ANKFN1: variants seen among roughly 807,000 people sequenced by gnomAD.
ANKFN1 encodes the protein ankyrin repeat and fibronectin type III domain containing 1.
Under a neutral mutation model 108.7 loss-of-function variants are expected in ANKFN1, and 74 were observed. The observed-to-expected ratio is 0.68, with a 90% confidence interval of 0.56 to 0.83. ANKFN1 has a LOEUF of 0.83. Ranked by LOEUF, ANKFN1 falls within the 40% of genes least tolerant of loss-of-function variation. The probability of loss-of-function intolerance (pLI) is 0.00; values close to 1 mark genes in which losing one functional copy is unlikely to be tolerated. For missense variants in ANKFN1, 1,505 were observed against 1,382.3 expected (o/e 1.09, Z -1.41); for synonymous variants, 547 against 516.2 (o/e 1.06, Z -0.81).
intron 4 of ANKFN1, among the ~76,000 whole-genome samples, chr17:56,089,099 G>T (rs1454518368): frequency 6.6e-6 from 1 of 151,384 alleles, no homozygotes; most frequent in South Asian, 2.1e-4. Context: ...ATATGTGGAG[G>T]AGAGGATTTT....
At chr17:56,219,103 A>C (rs945565464) in intron 2 of ANKFN1, among the ~76,000 whole-genome samples, 2 of 152,220 alleles carry the variant, frequency 1.3e-5, no homozygotes, top group Admixed American at 1.3e-4. Context: ...AGCATTATAC[A>C]TCCAATACCT....
At chr17:56,103,148 T>C (rs1905680116) in intron 4 of ANKFN1, among the ~76,000 whole-genome samples, 1 of 152,120 alleles carries the variant, frequency 6.6e-6, no homozygotes, top group Non-Finnish European at 1.5e-5. Flanking sequence ...CTTTGAAAAG[T>C]CAATCAGCAC....
At chr17:56,143,140 C>CT (rs1367479019) in intron 4 of ANKFN1, among the ~76,000 whole-genome samples, 4 of 152,020 alleles carry the variant, frequency 2.6e-5, no homozygotes, top group Non-Finnish European at 2.9e-5. Context: ...TAGTTTGGGG[C>CT]TTTTTTATGT....
intron 3 of ANKFN1, among the ~76,000 whole-genome samples, chr17:56,297,016 T>C (rs1459674609): frequency 6.6e-6 from 1 of 152,196 alleles, no homozygotes; most frequent in Non-Finnish European, 1.5e-5. Context: ...TCCTGTGAAA[T>C]GTAGATTCAT....
rs542664601 is a variant in ANKFN1, at chr17:56,456,903, C to T, written c.1250C>T (p.Ser417Leu). ...LQTTGRKQSV[S>L]RSLKHLFHSS... ...ACCACAGGCCGCAAGCAGTCAGTCT[C>T]AAGAAGCCTGAAACACCTGTTCCAT... Residue 417 changes from serine to leucine, a missense_variant, in exon 12 of 21, where the codon TCA becomes TTA. Transcript: ENST00000682825. The T allele has an allele frequency of 6.2e-7, 1 of 1,614,142 alleles. No homozygotes were observed. Among genetic ancestry groups the T allele is most frequent in the South Asian group, 1.1e-5 (1 of 91,078 alleles).
At chr17:56,413,748 C>G (rs2048161478) in intron 8 of ANKFN1, among the ~76,000 whole-genome samples, 1 of 151,672 alleles carries the variant, frequency 6.6e-6, no homozygotes, top group Non-Finnish European at 1.5e-5. Context: ...GAGATGGAGT[C>G]TTGCTCTGTC....
At chr17:56,365,568 T>C (rs945124914) in intron 6 of ANKFN1, among the ~76,000 whole-genome samples, 3 of 152,180 alleles carry the variant, frequency 2.0e-5, no homozygotes, top group African/African-American at 7.2e-5. Flanking sequence ...GCTTGAGCTA[T>C]AGAACCCCAA....
At chr17:56,202,985 C>G (rs952033675) in intron 1 of ANKFN1, among the ~76,000 whole-genome samples, 1 of 152,148 alleles carries the variant, frequency 6.6e-6, no homozygotes, top group East Asian at 1.9e-4. Flanking sequence ...TTTTGAGTTA[C>G]TATCACTGTT....
chr17:56,279,441 A>T (rs1338877022), intron 3 of ANKFN1, among the ~76,000 whole-genome samples: 1 of 152,232 alleles, frequency 6.6e-6, no homozygotes, highest in Non-Finnish European at 1.5e-5. Flanking sequence ...AAGAAGCATA[A>T]GGCTTCAGGC....
intron 4 of ANKFN1, among the ~76,000 whole-genome samples, chr17:56,074,568 G>A (rs1410976603): frequency 2.0e-5 from 3 of 152,214 alleles, no homozygotes; most frequent in Admixed American, 2.0e-4. Flanking sequence ...TCATAGGGCT[G>A]CCCCTGCTCC....
chr17:56,055,055 C>T (rs577943276), intron 4 of ANKFN1, among the ~76,000 whole-genome samples: 93 of 150,776 alleles, frequency 6.2e-4, no homozygotes, highest in African/African-American at 2.3e-3. Flanking sequence ...GTGGCAATTT[C>T]CTTTTTTTTT....
intron 3 of ANKFN1, among the ~76,000 whole-genome samples, chr17:56,235,986 T>C (rs1917107536): frequency 6.6e-6 from 1 of 152,178 alleles, no homozygotes; most frequent in African/African-American, 2.4e-5. Context: ...CTATCCATGA[T>C]CCATGAGCAT....
chr17:56,300,630 G>A (rs926792383), intron 3 of ANKFN1, among the ~76,000 whole-genome samples: 8 of 149,072 alleles, frequency 5.4e-5, no homozygotes, highest in African/African-American at 1.5e-4. Flanking sequence ...TGAACTGAAA[G>A]TCTCAAAGTC....
Position 56,493,548 on chromosome 17 carries a change from G to A in ANKFN1, c.2427+1195G>A, listed in dbSNP as rs189495761. ...TAGAAATTAGGCAAGAAGGAAAGAT[G>A]TCAATGATAGCAGATCACAAGGGCT... On this transcript the variant is annotated intron_variant, in intron 19 of 20. Transcript: ENST00000682825. 1.9e-3 allele frequency among the ~76,000 whole-genome samples: 285 copies of A among 152,234 alleles called. 1 individual carries two copies. The highest frequency in any genetic ancestry group is 0.017 in the Middle Eastern group (5 of 294).
chr17:56,482,716 T>C (rs2145378323), intron 18 of ANKFN1, 192 bp downstream of exon 18: 1 of 535,892 alleles, frequency 1.9e-6, no homozygotes, highest in South Asian at 7.3e-5. Flanking sequence ...TGAGCAATAA[T>C]TATTGAAACC....
rs375047841 is a variant in ANKFN1, at chr17:56,457,219, G to C, written c.1308-38G>C. On this transcript the variant is annotated intron_variant, in intron 12 of 20. Coordinates refer to ENST00000682825, the MANE Select transcript of ANKFN1 (RefSeq NM_001370326.1). ...TCCAAAAAAATATTTTTCCAAGATGGTTGAGGACAATGCTTTTATTTTCCT... is the reference window on the plus strand; with the variant it reads ...TCCAAAAAAATATTTTTCCAAGATGCTTGAGGACAATGCTTTTATTTTCCT... 5.3e-6 allele frequency: 8 copies of C among 1,522,886 alleles called. No individual in the cohort carries two copies. In the African/African-American group the frequency reaches 7.0e-5, roughly 13 times the overall value. The allele number at this position is 1,522,886 out of a possible 1,614,324, so 94.3% of individuals were successfully genotyped here.
intron 1 of ANKFN1, among the ~76,000 whole-genome samples, chr17:56,186,064 T>A (rs770755336): frequency 1.3e-5 from 2 of 152,186 alleles, no homozygotes; most frequent in Non-Finnish European, 2.9e-5. Flanking sequence ...TTACAAATAA[T>A]GCCATCTCCC....
chr17:56,477,205 T>G (rs2050530255), intron 15 of ANKFN1, among the ~76,000 whole-genome samples: 1 of 152,016 alleles, frequency 6.6e-6, no homozygotes, highest in African/African-American at 2.4e-5. Flanking sequence ...CACCACCTAT[T>G]CCCAAACACA....
chr17:56,404,866 A>T (rs1418117436), intron 8 of ANKFN1, among the ~76,000 whole-genome samples: 1 of 151,696 alleles, frequency 6.6e-6, no homozygotes, highest in Non-Finnish European at 1.5e-5. Context: ...TTGATGTAAT[A>T]CTCTCCCCCT....
Sources: allele counts gnomAD v4.1 joint callset (sites outside exome capture counted in the v4.1 genomes callset), GRCh38; gene constraint gnomAD v4.1.1; transcripts MANE v1.5; gene names NCBI Gene and HGNC (gene_info 2026-07-23, HGNC 2026-07-21).